Variants in ZBTB46 observed in about 807,000 individuals in gnomAD.
ZBTB46 encodes zinc finger and BTB domain-containing protein 46.
A neutral mutation model predicts 44.1 loss-of-function variants in ZBTB46; 8 were observed. The observed-to-expected ratio is 0.18, with a 90% confidence interval of 0.11 to 0.33. The LOEUF is 0.33. Among genes scored for constraint, ZBTB46 ranks in the 10% least tolerant of loss-of-function variants. The pLI, the probability that ZBTB46 is intolerant of heterozygous loss-of-function variation, is 1.00. For synonymous variants in ZBTB46, 409 were observed against 382.3 expected (o/e 1.07, Z -0.81); for missense variants, 651 against 847.7 (o/e 0.77, Z 2.88).
At position 63,767,452 on chromosome 20, in the gene ZBTB46, G is replaced by C. The variant is rs1349111634; in HGVS notation, c.1222+8226C>G. On this transcript the variant is annotated intron_variant, in intron 3 of 4. Coordinates refer to ENST00000245663, the MANE Select transcript of ZBTB46 (RefSeq NM_001369741.1). This position sits in a 1 kb window ranked among gnomAD's most constrained non-coding sequence, Gnocchi z 5.0. ...AATGACCACAGAAAGGCACACACCGGCTCCCAGTCACAGCTCTCCGCAGAT... is the reference window on the plus strand; with the variant it reads ...AATGACCACAGAAAGGCACACACCGCCTCCCAGTCACAGCTCTCCGCAGAT... 6.6e-6 allele frequency among the ~76,000 whole-genome samples: 1 copy of C among 152,108 alleles called. No homozygotes were observed. The highest frequency in any genetic ancestry group is 2.4e-5 in the African/African-American group (1 of 41,412).
chr20:63,802,494 G>A (rs1287995248), intron 1 of ZBTB46, among the ~76,000 whole-genome samples: 3 of 152,046 alleles, frequency 2.0e-5, no homozygotes, highest in Non-Finnish European at 2.9e-5. Flanking sequence ...AAGAAATTTG[G>A]ACACAGGTCG....
At chr20:63,806,607 T>G (rs1180660431) in intron 1 of ZBTB46, among the ~76,000 whole-genome samples, 8 of 152,060 alleles carry the variant, frequency 5.3e-5, no homozygotes, top group Admixed American at 5.2e-4. Flanking sequence ...AGGAATATGA[T>G]GGAATCTTTC....
chr20:63,761,768 C>G, intron 3 of ZBTB46, among the ~76,000 whole-genome samples: 1 of 132,942 alleles, frequency 7.5e-6, no homozygotes. Flanking sequence ...GGTGACAGAG[C>G]GAGACTCTGC....
chr20:63,810,865 A>G (rs76843215), intron 1 of ZBTB46, among the ~76,000 whole-genome samples: 6 of 152,256 alleles, frequency 3.9e-5, no homozygotes, highest in Non-Finnish European at 7.3e-5. Context: ...GAGCGCGAAC[A>G]TGAGAGCAAT....
chr20:63,827,609 C>T (rs1441416567), intron 1 of ZBTB46, among the ~76,000 whole-genome samples: 13 of 137,032 alleles, frequency 9.5e-5, no homozygotes, highest in African/African-American at 2.2e-4. Context: ...AGCGAGACTC[C>T]GTCTCAAAAA....
intron 1 of ZBTB46, among the ~76,000 whole-genome samples, chr20:63,796,081 T>C (rs887814489): frequency 6.6e-6 from 1 of 152,248 alleles, no homozygotes; most frequent in African/African-American, 2.4e-5. Context: ...CAAGGAAATC[T>C]GAAGACCGCG....
intron 4 of ZBTB46, among the ~76,000 whole-genome samples, chr20:63,751,765 GC>G (rs1257048863): frequency 1.3e-5 from 1 of 79,052 alleles, no homozygotes; most frequent in African/African-American, 6.5e-5. Context: ...ATGAAGCCCC[GC>G]CCCCCGGTGG....
chr20:63,751,452 CCACAG>C (rs770365899), intron 4 of ZBTB46, among the ~76,000 whole-genome samples: 14 of 152,180 alleles, frequency 9.2e-5, no homozygotes, highest in Non-Finnish European at 1.9e-4. Flanking sequence ...GGCCCTTCGC[CCACAG>C]CCGGCCAGGC....
At chr20:63,821,486 C>T (rs925324200) in intron 1 of ZBTB46, among the ~76,000 whole-genome samples, 10 of 149,020 alleles carry the variant, frequency 6.7e-5, no homozygotes, top group Non-Finnish European at 1.3e-4. Flanking sequence ...GTTGCCCAGG[C>T]TGGAGTGCAA....
At chr20:63,751,077 G>T (rs1330572601) in intron 4 of ZBTB46, among the ~76,000 whole-genome samples, 1 of 152,200 alleles carries the variant, frequency 6.6e-6, no homozygotes, top group African/African-American at 2.4e-5. Flanking sequence ...TAAAAAACAA[G>T]ATGCGATTTT....
chr20:63,794,525 G>A (rs1338389697), intron 1 of ZBTB46, among the ~76,000 whole-genome samples: 1 of 152,230 alleles, frequency 6.6e-6, no homozygotes, highest in African/African-American at 2.4e-5. Context: ...AGATTAGTCA[G>A]CTACGGAAAT....
At chr20:63,763,385 G>A (rs11906410) in intron 3 of ZBTB46, among the ~76,000 whole-genome samples, 3,943 of 152,260 alleles carry the variant, frequency 0.026, 153 homozygotes, top group African/African-American at 0.09. Context: ...GAGAAAAGAG[G>A]TTTGATTGGC....
chr20:63,833,546 G>T (rs567695546), upstream of ZBTB46, among the ~76,000 whole-genome samples: 2 of 152,264 alleles, frequency 1.3e-5, no homozygotes, highest in South Asian at 4.1e-4. Flanking sequence ...AGCCAAGTTC[G>T]TGCCGCTGCA....
intron 4 of ZBTB46, among the ~76,000 whole-genome samples, chr20:63,749,049 C>T (rs1333998676): frequency 6.6e-6 from 1 of 152,248 alleles, no homozygotes; most frequent in African/African-American, 2.4e-5. Flanking sequence ...CCCTTCTAGA[C>T]CCGCTTCCTT....
chr20:63,779,936 A>G (rs1246649892), intron 2 of ZBTB46, among the ~76,000 whole-genome samples: 2 of 152,288 alleles, frequency 1.3e-5, no homozygotes, highest in East Asian at 3.9e-4. Context: ...CATAAAAGAA[A>G]TCAGGATAAG....
chr20:63,751,798 C>T (rs2092168885), intron 4 of ZBTB46, among the ~76,000 whole-genome samples: 1 of 146,026 alleles, frequency 6.8e-6, no homozygotes, highest in Non-Finnish European at 1.5e-5. Flanking sequence ...AAGCCCCGCC[C>T]CCGGTGGGTC....
chr20:63,760,156 T>C (rs1292451217), intron 3 of ZBTB46, among the ~76,000 whole-genome samples: 1 of 152,228 alleles, frequency 6.6e-6, no homozygotes, highest in Admixed American at 6.5e-5. Flanking sequence ...ACTGTTCCTT[T>C]CTTCTAGTAT....
intron 2 of ZBTB46, among the ~76,000 whole-genome samples, chr20:63,779,253 AT>A (rs1568859557): frequency 6.6e-6 from 1 of 150,984 alleles, no homozygotes; most frequent in African/African-American, 2.4e-5. Flanking sequence ...TTATTTATTT[AT>A]TTTGAGACGG....
rs370757227 is a variant in ZBTB46, at chr20:63,775,955, G to A, written c.945C>T (p.Asp315=). 1.3e-6 allele frequency: 2 copies of A among 1,561,390 alleles called. No homozygotes were observed. Among genetic ancestry groups the A allele is most frequent in the African/African-American group, 2.7e-5 (2 of 73,644 alleles). ...WPFSSRDSNA[D]LSVTEASSSD... Reference sequence around the variant, plus strand: ...AGCTGCTGGCTTCGGTGACGGACAGGTCCGCATCTGGGGACAGAGGGACAC... The same window carrying A: ...AGCTGCTGGCTTCGGTGACGGACAGATCCGCATCTGGGGACAGAGGGACAC... The change falls in exon 3 of 5, where the codon GAC becomes GAT. Residue 315 remains aspartate (D), a synonymous_variant. Transcript: ENST00000245663.
Sources: allele counts gnomAD v4.1 joint callset (sites outside exome capture counted in the v4.1 genomes callset), GRCh38; gene constraint gnomAD v4.1.1; non-coding constraint Gnocchi (gnomAD v3.1); transcripts MANE v1.5; gene names NCBI Gene and HGNC (gene_info 2026-07-23, HGNC 2026-07-21).